CISH: variants seen among roughly 807,000 people sequenced by gnomAD.
CISH encodes the protein cytokine-inducible SH2-containing protein.
CISH carries 11 observed loss-of-function variants against 21.3 expected under a neutral mutation model. That is an observed-to-expected ratio of 0.52 (90% CI 0.32 to 0.85). The LOEUF (loss-of-function observed/expected upper bound fraction) is 0.85. Among genes scored for constraint, CISH ranks in the 40% least tolerant of loss-of-function variants. The pLI is 0.03. For synonymous variants in CISH, 118 were observed against 142.3 expected, an observed-to-expected ratio of 0.83 and a Z score of 1.22; for missense variants, 280 against 351.7, an observed-to-expected ratio of 0.80 and a Z score of 1.63.
In CISH at chr3:50,608,479, C is replaced by T. The variant is rs946929763; in HGVS notation, c.135G>A (p.Glu45=). The change falls in exon 2 of 3, where the codon GAG becomes GAA. Residue 45 remains glutamate (E), a synonymous_variant. Transcript: ENST00000348721. ...QPLPAGAFLE[E]VAEGTPAQTE... ...TCTGGGCTGGGGTACCCTCTGCCAC[C>T]TCCTCGAGGAAGGCCCCAGCAGGCA... The T allele has an allele frequency of 3.1e-6, 5 of 1,613,404 alleles. No homozygotes were observed. Among genetic ancestry groups the T allele is most frequent in the Non-Finnish European group, 4.2e-6 (5 of 1,179,746 alleles).
Position 50,608,587 on chromosome 3 carries a change from A to G in CISH, c.27T>C (p.Arg9=), listed in dbSNP as rs1241024703. The change falls in exon 2 of 3, where the codon CGT becomes CGC. Residue 9 remains arginine (R), a synonymous_variant. Transcript: ENST00000348721. MVLCVQGP[R]PLLAVERTGQ... ...CAGTCCGCTCCACAGCCAGCAAAGG[A>G]CGAGGTCTAGAAGGCAGTGGATGAG... 3.9e-6 allele frequency: 6 copies of G among 1,523,566 alleles called. No homozygotes were observed. Among genetic ancestry groups the G allele is most frequent in the Admixed American group, 2.1e-5 (1 of 46,736 alleles). 94.4% of individuals were successfully genotyped at this position (1,523,566 alleles called of 1,614,324 possible). A position where few individuals can be genotyped will look rare whatever the true frequency, so the allele number is the denominator to read the frequency against.
rs752595479 is a variant in CISH, at chr3:50,608,126, G to T, written c.258C>A (p.Ser86=). ...GTTGTCGGGCCTCGCTGGCCGTAATGGAACCCCAATACCAGCCTAGGCAAG... is the reference window on the plus strand; with the variant it reads ...GTTGTCGGGCCTCGCTGGCCGTAATTGAACCCCAATACCAGCCTAGGCAAG... ...YLRESGWYWG[S]ITASEARQHL... Residue 86 remains serine (S), a synonymous_variant, in exon 3 of 3, where the codon TCC becomes TCA. Coordinates refer to ENST00000348721, the MANE Select transcript of CISH (RefSeq NM_145071.4). The T allele has an allele frequency of 6.2e-7, 1 of 1,606,216 alleles. No homozygotes were observed.
rs1356741514 is a variant in CISH at position 50,608,514 on chromosome 3, T to C, written c.100A>G (p.Met34Val). 15 of 1,610,602 alleles carry C rather than the reference T, an allele frequency of 9.3e-6. No individual in the cohort carries two copies. Among genetic ancestry groups the C allele is most frequent in the Non-Finnish European group, 1.2e-5 (14 of 1,178,584 alleles). The change falls in exon 2 of 3, where the codon ATG (methionine) becomes GTG (valine). Residue 34 changes from methionine to valine, a missense_variant. Transcript: ENST00000348721. ...APSLELPKPVMQPLPAGAFLE... is the reference protein window; with the variant it reads ...APSLELPKPVVQPLPAGAFLE... ...AAGGCCCCAGCAGGCAAGGGCTGCA[T>C]GACTGGCTTGGGCAGTTCCAGGGAC...
At chr3:50,608,799 T>C (rs924229557) in intron 1 of CISH, 1 of 433,358 alleles carries the variant, frequency 2.3e-6, no homozygotes, top group Non-Finnish European at 4.1e-6. Flanking sequence ...ATTGTTTCCA[T>C]GTGGGGATCC....
rs2032222373 is a variant in CISH at position 50,608,372 on chromosome 3, C to A, written c.241+1G>T. 1 of 1,596,716 alleles carries A rather than the reference C, an allele frequency of 6.3e-7. No individual in the cohort carries two copies. The highest frequency in any genetic ancestry group is 1.3e-5 in the African/African-American group (1 of 74,350). On this transcript the variant is annotated splice_donor_variant, in intron 2 of 2. Transcript: ENST00000348721. LOFTEE classifies it high-confidence loss of function. ...AGGCCTGCCTCCCCCCTCAGACTCA[C>A]CAGATTCCCGAAGGTAGGAGAAGGT...
chr3:50,610,307 G>A, intron 1 of CISH: 1 of 1,525,936 alleles, frequency 6.6e-7, no homozygotes. Flanking sequence ...CACCTTTGGG[G>A]CTGATGTGGT....
intron 2 of CISH, 108 bp downstream of exon 2, chr3:50,608,265 C>G: frequency 6.9e-7 from 1 of 1,456,546 alleles, no homozygotes; most frequent in Non-Finnish European, 9.3e-7. Flanking sequence ...CCTCTCCCAT[C>G]AGACTCTCCT....
Position 50,607,801 on chromosome 3 carries a change from G to A in CISH, c.583C>T (p.Pro195Ser). 6.2e-7 allele frequency: 1 copy of A among 1,613,770 alleles called. No homozygotes were observed. Among genetic ancestry groups the A allele is most frequent in the Non-Finnish European group, 8.5e-7 (1 of 1,179,914 alleles). ...GCTGGTGGAGGAGCAGGCAGTGCTG[G>A]GTCACTAGGCGCATCCTCCTTAGGC... Reference protein sequence around the residue: ...PMPKEDAPSDPALPAPPPATA... With the variant: ...PMPKEDAPSDSALPAPPPATA... The change falls in exon 3 of 3, where the codon CCA becomes TCA. Residue 195 changes from proline (P) to serine (S), a missense_variant. Coordinates refer to ENST00000348721, the MANE Select transcript of CISH (RefSeq NM_145071.4).
At chr3:50,610,563 C>CGGAATGCAGGGGGAGGCTCCTGGGGT (rs2032294161) in intron 1 of CISH, 2 of 1,506,768 alleles carry the variant, frequency 1.3e-6, no homozygotes, top group Non-Finnish European at 1.8e-6. Flanking sequence ...TATGGGACCC[C>CGGAATGCAGGGGGAGGCTCCTGGGGT]GGAATGCAGG....
intron 1 of CISH, chr3:50,611,128 G>GA: frequency 1.1e-6 from 1 of 881,166 alleles, no homozygotes. Context: ...AGACCATCAG[G>GA]TGCCAGCCTG....
chr3:50,607,659 G>A lies in CISH; in HGVS notation c.725C>T (p.Pro242Leu). The A allele has an allele frequency of 6.2e-7, 1 of 1,613,642 alleles. No homozygotes were observed. Among genetic ancestry groups the A allele is most frequent in the Non-Finnish European group, 8.5e-7 (1 of 1,179,968 alleles). ...GTAGTCGGCCATGCGCCGGGGCAGT[G>A]GCAGGCAGTCCACGTCGGCCACCAG... ...NRLVADVDCL[P>L]LPRRMADYLR... Residue 242 changes from proline (P) to leucine (L), a missense_variant, in exon 3 of 3, where the codon CCA (proline) becomes CTA (leucine). Transcript: ENST00000348721.
intron 1 of CISH, chr3:50,610,251 G>T: frequency 8.6e-7 from 1 of 1,162,758 alleles, no homozygotes; most frequent in Non-Finnish European, 1.2e-6. Flanking sequence ...GGGTGGCCAC[G>T]TCCAGATAGC....
intron 1 of CISH, chr3:50,610,787 C>T (rs1426819353): frequency 8.5e-7 from 1 of 1,175,342 alleles, no homozygotes. Flanking sequence ...GAGTGCAGAA[C>T]ACCCATTTAT....
At chr3:50,610,554 A>T in intron 1 of CISH, 1 of 1,519,088 alleles carries the variant, frequency 6.6e-7, no homozygotes, top group Non-Finnish European at 8.9e-7. Flanking sequence ...GAAAGAGGCT[A>T]TGGGACCCCG....
chr3:50,609,841 A>C (rs1410650064), intron 1 of CISH: 2 of 154,138 alleles, frequency 1.3e-5, no homozygotes, highest in African/African-American at 4.8e-5. Context: ...CTTGCTCCTG[A>C]GCTGTGTCTT....
rs572362906 is a variant in CISH at position 50,610,321 on chromosome 3, T to A, written c.20+1310A>T. ...GCACCTTTGGGGCTGATGTGGTAGC[T>A]GGGTGTATGAATAGCTGTGTTGATC... On this transcript the variant is annotated intron_variant, in intron 1 of 2. Transcript: ENST00000348721. 28 of 1,544,040 alleles carry A rather than the reference T, an allele frequency of 1.8e-5. No homozygotes were observed. The East Asian group carries it at 5.4e-4, about 30-fold the overall frequency.
At position 50,607,814 on chromosome 3, in the gene CISH, A is replaced by C; in HGVS notation, c.570T>G (p.Asp190Glu). 1 of 1,613,826 alleles carries C rather than the reference A, an allele frequency of 6.2e-7. No homozygotes were observed. Among genetic ancestry groups the C allele is most frequent in the Non-Finnish European group, 8.5e-7 (1 of 1,179,928 alleles). The change falls in exon 3 of 3, where the codon GAT becomes GAG. Residue 190 changes from aspartate to glutamate, a missense_variant. Asp to Glu is a conservative substitution (Grantham distance 45, BLOSUM62 2). Coordinates refer to ENST00000348721, the MANE Select transcript of CISH (RefSeq NM_145071.4). ...PTPALPMPKE[D>E]APSDPALPAP... Reference sequence around the variant, plus strand: ...CAGGCAGTGCTGGGTCACTAGGCGCATCCTCCTTAGGCATAGGCAGGGCCG... The same window carrying C: ...CAGGCAGTGCTGGGTCACTAGGCGCCTCCTCCTTAGGCATAGGCAGGGCCG...
chr3:50,610,624 C>T, intron 1 of CISH: 1 of 1,444,666 alleles, frequency 6.9e-7, no homozygotes, highest in East Asian at 2.5e-5. Flanking sequence ...TCAGGAGTCC[C>T]AGAATGCAGA....
intron 1 of CISH, chr3:50,611,066 T>C (rs2032309119): frequency 1.0e-6 from 1 of 990,652 alleles, no homozygotes; most frequent in Non-Finnish European, 1.2e-6. Flanking sequence ...GAGACGATTG[T>C]GGGGGTACCC....
Sources: gnomAD v4.1 joint callset for allele counts on GRCh38, gnomAD v4.1.1 for gene constraint, MANE v1.5 for transcripts, NCBI Gene and HGNC (gene_info 2026-07-23, HGNC 2026-07-21) for gene names.